The following RBM24 variants were observed in gnomAD, a reference collection of about 807,000 sequenced individuals.
RBM24 encodes RNA-binding protein 24.
RBM24 carries 5 observed loss-of-function variants against 23.6 expected under a neutral mutation model. That is an observed-to-expected ratio of 0.21 (90% CI 0.11 to 0.45). The LOEUF (loss-of-function observed/expected upper bound fraction) is 0.45. Ranked by LOEUF, RBM24 falls within the 20% of genes least tolerant of loss-of-function variation. RBM24 has a pLI of 0.99. For missense variants in RBM24, 252 were observed against 314.6 expected (o/e 0.80, Z 1.51); for synonymous variants, 151 against 129.5 (o/e 1.17, Z -1.13).
chr6:17,292,330 AAATC>A lies in RBM24; in HGVS notation c.*216_*219del, dbSNP rs2113415187. The A allele has an allele frequency of 2.7e-6, 1 of 376,948 alleles. No individual in the cohort carries two copies. The highest frequency in any genetic ancestry group is 2.1e-5 in the African/African-American group (1 of 48,416). 23.4% of individuals were successfully genotyped at this position (376,948 alleles called of 1,614,324 possible). A position where few individuals can be genotyped will look rare whatever the true frequency, so the allele number is the denominator to read the frequency against. On this transcript the variant is annotated 3_prime_UTR_variant, in exon 4 of 4. Transcript: ENST00000379052. ...ATGAGGGGAATGGGCACAATTTTGG[AAATC>A]AATCCCAAAGAGCCTGAGTAAATGA...
rs1418160706 is a variant in RBM24 at position 17,292,367 on chromosome 6, C to T, written c.*248C>T. The T allele has an allele frequency of 1.3e-5, 4 of 304,096 alleles. No homozygotes were observed. In the East Asian group the frequency reaches 2.1e-4, roughly 16 times the overall value. The allele number at this position is 304,096 out of a possible 1,614,324, so 18.8% of individuals were successfully genotyped here. A position where few individuals can be genotyped will look rare whatever the true frequency, so the allele number is the denominator to read the frequency against. On this transcript the variant is annotated 3_prime_UTR_variant, in exon 4 of 4. Coordinates refer to ENST00000379052, the MANE Select transcript of RBM24 (RefSeq NM_001143942.2). ...AAGAGCCTGAGTAAATGAAAGGCCACTACGAAATGACGCCAGGAGTAACAA... is the reference window on the plus strand; with the variant it reads ...AAGAGCCTGAGTAAATGAAAGGCCATTACGAAATGACGCCAGGAGTAACAA...
chr6:17,288,778 G>T (rs1760270437), intron 3 of RBM24: 1 of 984,748 alleles, frequency 1.0e-6, no homozygotes, highest in Non-Finnish European at 1.2e-6. Context: ...TTTGAGGAAA[G>T]GTGGAAGGAA....
At chr6:17,284,735 T>A in intron 3 of RBM24, 24 bp downstream of exon 3, 1 of 1,592,068 alleles carries the variant, frequency 6.3e-7, no homozygotes, top group Non-Finnish European at 8.6e-7. Context: ...TCAGGCTTTC[T>A]TAAGTTTCAG....
At chr6:17,282,995 C>G (rs1760076804) in intron 2 of RBM24, 67 bp downstream of exon 2, 2 of 1,135,564 alleles carry the variant, frequency 1.8e-6, no homozygotes, top group Non-Finnish European at 2.6e-6. Flanking sequence ...GGATGATTCT[C>G]TAATTTAGAA....
Position 17,281,766 on chromosome 6 carries a change from GGGGGTGAC to G in RBM24, c.168+22_168+29del. ...TATGGATTTGTAAGTTGCACGGACT[GGGGGTGAC>G]GGGGAGGGACGGAGTGGCGGCTGAC... On this transcript the variant is annotated intron_variant, in intron 1 of 3. Coordinates refer to ENST00000379052, the MANE Select transcript of RBM24 (RefSeq NM_001143942.2). This position sits in a 1 kb window ranked among gnomAD's most constrained non-coding sequence, Gnocchi z 7.1. 1 of 1,547,302 alleles carries G rather than the reference GGGGGTGAC, an allele frequency of 6.5e-7. No homozygotes were observed. Among genetic ancestry groups the G allele is most frequent in the Non-Finnish European group, 8.7e-7 (1 of 1,144,950 alleles).
chr6:17,292,234 A>C lies in RBM24; in HGVS notation c.*115A>C. Reference sequence around the variant, plus strand: ...AACAGCTTTAAAAAAAAAAACAGCCATGCTATTGTGAAGCAGAGTTATTAT... The same window carrying C: ...AACAGCTTTAAAAAAAAAAACAGCCCTGCTATTGTGAAGCAGAGTTATTAT... On this transcript the variant is annotated 3_prime_UTR_variant, in exon 4 of 4. Transcript: ENST00000379052. The C allele has an allele frequency of 6.1e-6, 6 of 978,360 alleles. No homozygotes were observed. The highest frequency in any genetic ancestry group is 7.2e-6 in the Non-Finnish European group (5 of 692,342). 60.6% of individuals were successfully genotyped at this position (978,360 alleles called of 1,614,324 possible).
chr6:17,289,761 T>C (rs934223712), intron 3 of RBM24: 2 of 1,065,946 alleles, frequency 1.9e-6, no homozygotes, highest in African/African-American at 3.3e-5. Flanking sequence ...GAAACCCTTG[T>C]CGCATGACAG....
chr6:17,282,674 A>C, intron 1 of RBM24, 131 bp from the exon 2 acceptor site: 1 of 1,213,218 alleles, frequency 8.2e-7, no homozygotes, highest in Non-Finnish European at 1.1e-6. Context: ...GTCCAGCCAA[A>C]AGAAGCAAAG....
chr6:17,283,003 G>T (rs59018835), intron 2 of RBM24, 75 bp downstream of exon 2: 1 of 1,038,906 alleles, frequency 9.6e-7, no homozygotes, highest in African/African-American at 1.6e-5. Flanking sequence ...CTCTAATTTA[G>T]AAGACATTGT....
chr6:17,291,923 C>T lies in RBM24; in HGVS notation c.515C>T (p.Ala172Val). ...GCTGCTGCTGCCGCCGCCGCTGCTG[C>T]CTATGACCAGTACCCCTATGCAGCC... Reference protein sequence around the residue: ...AAAAAAAAAAAYDQYPYAASP... With the variant: ...AAAAAAAAAAVYDQYPYAASP... Residue 172 changes from alanine (A) to valine (V), a missense_variant, in exon 4 of 4, where the codon GCC (alanine) becomes GTC (valine). By Grantham distance (64) the Ala-to-Val change is moderately conservative. Coordinates refer to ENST00000379052, the MANE Select transcript of RBM24 (RefSeq NM_001143942.2). 2 of 1,613,612 alleles carry T rather than the reference C, an allele frequency of 1.2e-6. No individual in the cohort carries two copies. Among genetic ancestry groups the T allele is most frequent in the Non-Finnish European group, 8.5e-7 (1 of 1,179,936 alleles).
At chr6:17,288,259 G>A in intron 3 of RBM24, 1 of 985,376 alleles carries the variant, frequency 1.0e-6, no homozygotes, top group Non-Finnish European at 1.2e-6. Context: ...TCATAATCCA[G>A]TAAGAAAGCC....
At chr6:17,284,131 T>C (rs1411742480) in intron 2 of RBM24, among the ~76,000 whole-genome samples, 1 of 152,172 alleles carries the variant, frequency 6.6e-6, no homozygotes, top group African/African-American at 2.4e-5. Flanking sequence ...AAATGAGTGT[T>C]TGTGCAAATA....
At chr6:17,283,879 A>G (rs1760112696) in intron 2 of RBM24, among the ~76,000 whole-genome samples, 1 of 152,232 alleles carries the variant, frequency 6.6e-6, no homozygotes, top group Non-Finnish European at 1.5e-5. Context: ...AAAAGGGAGC[A>G]GTTTTTTGTC....
intron 2 of RBM24, among the ~76,000 whole-genome samples, chr6:17,283,524 T>C (rs1760097907): frequency 1.3e-5 from 2 of 152,188 alleles, no homozygotes. Flanking sequence ...TTCAAGTGAT[T>C]GTCCTGCCTC....
In RBM24 at chr6:17,292,672, A is replaced by G. The variant is rs1018245730; in HGVS notation, c.*553A>G. On this transcript the variant is annotated 3_prime_UTR_variant, in exon 4 of 4. Transcript: ENST00000379052. ...CTATCTCAAAAATGGGCATCGAACA[A>G]TCAATCTAGGAGCGTGGCAGTGGGT... The G allele has an allele frequency of 2.6e-5, 4 of 152,738 alleles. No individual in the cohort carries two copies. The highest frequency in any genetic ancestry group is 1.9e-4 in the East Asian group (1 of 5,200). 9.5% of individuals were successfully genotyped at this position (152,738 alleles called of 1,614,324 possible). A position where few individuals can be genotyped will look rare whatever the true frequency, so the allele number is the denominator to read the frequency against.
Position 17,292,031 on chromosome 6 carries a change from C to T in RBM24, c.623C>T (p.Thr208Ile). The change falls in exon 4 of 4, where the codon ACA (threonine) becomes ATA (isoleucine). Residue 208 changes from threonine (T) to isoleucine (I), a missense_variant. Physicochemically the swap from Thr to Ile is moderately conservative, Grantham distance 89. Coordinates refer to ENST00000379052, the MANE Select transcript of RBM24 (RefSeq NM_001143942.2). ...QQPITAAAPG[T>I]AAAAAAAAAA... ...CCAATCACCGCAGCGGCACCTGGGA[C>T]AGCTGCCGCCGCCGCTGCAGCAGCT... 6.3e-7 allele frequency: 1 copy of T among 1,599,940 alleles called. No individual in the cohort carries two copies. The highest frequency in any genetic ancestry group is 8.5e-7 in the Non-Finnish European group (1 of 1,177,214).
chr6:17,282,783 T>A, intron 1 of RBM24, 22 bp from the exon 2 acceptor site: 1 of 1,613,890 alleles, frequency 6.2e-7, no homozygotes, highest in Non-Finnish European at 8.5e-7. Flanking sequence ...TGTATGTATG[T>A]CTGTGTGTGT....
intron 3 of RBM24, among the ~76,000 whole-genome samples, chr6:17,287,440 T>C (rs1289170309): frequency 1.3e-5 from 2 of 152,190 alleles, no homozygotes; most frequent in African/African-American, 2.4e-5. Context: ...TTTTATAGTT[T>C]ATGGTTGAAA....
Position 17,282,115 on chromosome 6 carries a change from T to TA in RBM24, c.168+371dup, listed in dbSNP as rs1320993988. 2.5e-6 allele frequency: 3 copies of TA among 1,219,678 alleles called. No homozygotes were observed. In the African/African-American group the frequency reaches 4.7e-5, roughly 19 times the overall value. 75.6% of individuals were successfully genotyped at this position (1,219,678 alleles called of 1,614,324 possible). A position where few individuals can be genotyped will look rare whatever the true frequency, so the allele number is the denominator to read the frequency against. ...GGTTGTTAAGCGCGCTGTTGCTTTG[T>TA]AAAAATGCGTGTGTTCTGGTGTTTT... On this transcript the variant is annotated intron_variant, in intron 1 of 3. Transcript: ENST00000379052.
Sources: gnomAD v4.1 joint callset for allele counts (sites outside exome capture counted in the v4.1 genomes callset) on GRCh38, gnomAD v4.1.1 for gene constraint, Gnocchi (gnomAD v3.1) non-coding constraint, MANE v1.5 for transcripts, NCBI Gene and HGNC (gene_info 2026-07-23, HGNC 2026-07-21) for gene names.